DDX59: variants seen among roughly 807,000 people sequenced by gnomAD.
The protein encoded by DDX59 is DEAD-box helicase 59, also known as probable ATP-dependent RNA helicase DDX59.
DDX59 carries 30 observed loss-of-function variants against 51.9 expected under a neutral mutation model. That is an observed-to-expected ratio of 0.58 (90% CI 0.43 to 0.78). The LOEUF is 0.78. Ranked by LOEUF, DDX59 falls within the 30% of genes least tolerant of loss-of-function variation. The pLI, the probability that DDX59 is intolerant of heterozygous loss-of-function variation, is 0.00. For missense variants in DDX59, 672 were observed against 730.8 expected (o/e 0.92, Z 0.93); for synonymous variants, 255 against 253.3 (o/e 1.01, Z -0.06).
Position 200,650,606 on chromosome 1 carries a change from C to T in DDX59, c.1133G>A (p.Cys378Tyr), listed in dbSNP as rs1406753121. ...LDILENIPND[C>Y]QTILVSATIP... ...TGTGGCTGAAACCAAAATGGTCTGA[C>T]AATCATTAGGAATGTTTTCCAAAAT... is the stretch of plus-strand genomic sequence containing the variant. Residue 378 changes from cysteine to tyrosine, a missense_variant, in exon 5 of 8, where the codon TGT becomes TAT. Transcript: ENST00000331314. 1.2e-6 allele frequency: 2 copies of T among 1,613,868 alleles called. No homozygotes were observed. Among genetic ancestry groups the T allele is most frequent in the East Asian group, 2.2e-5 (1 of 44,866 alleles).
Position 200,653,055 on chromosome 1 carries a change from T to C in DDX59, c.1063-2379A>G, listed in dbSNP as rs556372723. Among the ~76,000 whole-genome samples the C allele has an allele frequency of 5.1e-4, 77 of 152,308 alleles. No individual in the cohort carries two copies. The South Asian group carries it at 0.014, about 29-fold the overall frequency. On this transcript the variant is annotated intron_variant, in intron 4 of 7. Coordinates refer to ENST00000331314, the MANE Select transcript of DDX59 (RefSeq NM_001031725.6). ...CTCCTTTCTCTTCTCTCAATCTCTA[T>C]ACATTGGGGAGCCCCATGGGCTGGG... is the stretch of plus-strand genomic sequence containing the variant.
chr1:200,663,408 T>C (rs996257083), intron 3 of DDX59, among the ~76,000 whole-genome samples: 1 of 152,210 alleles, frequency 6.6e-6, no homozygotes. Context: ...AACTTATCTA[T>C]GGCCATACAG....
In DDX59 at chr1:200,649,245, A is replaced by G. The variant is rs756072457; in HGVS notation, c.1315-19T>C. 6 of 1,549,358 alleles carry G rather than the reference A, an allele frequency of 3.9e-6. No homozygotes were observed. Among genetic ancestry groups the G allele is most frequent in the South Asian group, 3.8e-5 (3 of 79,612 alleles). On this transcript the variant is annotated intron_variant, in intron 5 of 7. Coordinates refer to ENST00000331314, the MANE Select transcript of DDX59 (RefSeq NM_001031725.6). ...TCTTATCCTGAAAAATTAAAAACAT[A>G]TATCAAAAATTATTCATATAAAATA...
At chr1:200,657,213 T>C (rs570517402) in intron 4 of DDX59, among the ~76,000 whole-genome samples, 9 of 136,854 alleles carry the variant, frequency 6.6e-5, no homozygotes, top group African/African-American at 1.7e-4. Flanking sequence ...ATCGTGCCAT[T>C]GTACTCCAGT....
Position 200,666,366 on chromosome 1 carries a change from A to G in DDX59, c.375T>C (p.Asp125=), listed in dbSNP as rs1662745576. The change falls in exon 2 of 8, where the codon GAT becomes GAC. Residue 125 remains aspartate, a synonymous_variant. Coordinates refer to ENST00000331314, the MANE Select transcript of DDX59 (RefSeq NM_001031725.6). ...GEYICDKTDE[D]VCSLECKAKH... The stretch of plus-strand genomic sequence containing the variant: ...TCGCTTTACACTCCAAACTACACAC[A>G]TCTTCATCTGTCTTATCACAGATAT... 47 of 1,614,172 alleles carry G rather than the reference A, an allele frequency of 2.9e-5. No individual in the cohort carries two copies. Among genetic ancestry groups the G allele is most frequent in the Non-Finnish European group, 3.9e-5 (46 of 1,180,040 alleles).
chr1:200,648,444 G>A lies in DDX59; in HGVS notation c.1591C>T (p.His531Tyr). 1 of 1,613,916 alleles carries A rather than the reference G, an allele frequency of 6.2e-7. No homozygotes were observed. Among genetic ancestry groups the A allele is most frequent in the Non-Finnish European group, 8.5e-7 (1 of 1,179,940 alleles). Residue 531 changes from histidine to tyrosine, a missense_variant, in exon 7 of 8, where the codon CAT becomes TAT. Physicochemically the swap from His to Tyr is moderately conservative, Grantham distance 83. Coordinates refer to ENST00000331314, the MANE Select transcript of DDX59 (RefSeq NM_001031725.6). ...TAACATATAAAGCTCCTTACCTGAT[G>A]GACATACTCATCCATACTTGAAGGC... ...DMPSSMDEYVHQIGRVGRLGQ... is the reference protein window; with the variant it reads ...DMPSSMDEYVYQIGRVGRLGQ...
At chr1:200,658,917 G>GT (rs1323402368) in intron 4 of DDX59, 110 bp downstream of exon 4, 202 of 935,584 alleles carry the variant, frequency 2.2e-4, no homozygotes, top group South Asian at 9.2e-4. Flanking sequence ...AGTCCCTGAG[G>GT]TTTTTTTTGA....
rs553420169 is a variant in DDX59 at position 200,665,474 on chromosome 1, A to T, written c.804+463T>A. ...CTCCAGCCTGGGCGACAAGAGTGAA[A>T]CTCGGTCCCAAAAAAAGAAAAAGAA... On this transcript the variant is annotated intron_variant, in intron 2 of 7. Coordinates refer to ENST00000331314, the MANE Select transcript of DDX59 (RefSeq NM_001031725.6). 3.1e-4 allele frequency among the ~76,000 whole-genome samples: 46 copies of T among 149,084 alleles called. 1 individual carries two copies. The South Asian group carries it at 9.4e-3, about 31-fold the overall frequency.
chr1:200,648,034 G>C (rs1384748088), intron 7 of DDX59, among the ~76,000 whole-genome samples: 9 of 144,492 alleles, frequency 6.2e-5, no homozygotes, highest in Admixed American at 3.5e-4. Flanking sequence ...TTTTTTTGGG[G>C]GGGGGGAGGG....
intron 4 of DDX59, among the ~76,000 whole-genome samples, chr1:200,656,212 T>C (rs1474311947): frequency 6.6e-6 from 1 of 152,148 alleles, no homozygotes; most frequent in Non-Finnish European, 1.5e-5. Context: ...CCTTTACCTG[T>C]TTTTGTAAAT....
In DDX59 at chr1:200,669,181, T is replaced by C. The variant is rs547553515; in HGVS notation, c.-12+586A>G. ...ACATGTCTTTGCAAAATTACAGTTA[T>C]TGGGAATAAGGCTTTTAACCTAATC... On this transcript the variant is annotated intron_variant, in intron 1 of 7. Transcript: ENST00000331314. Among the ~76,000 whole-genome samples, 13 of 152,352 alleles carry C rather than the reference T, an allele frequency of 8.5e-5. No individual in the cohort carries two copies. In the East Asian group the frequency reaches 1.9e-3, roughly 23 times the overall value.
chr1:200,642,110 C>A (rs1661066221), downstream of DDX59, among the ~76,000 whole-genome samples: 1 of 152,166 alleles, frequency 6.6e-6, no homozygotes, highest in South Asian at 2.1e-4. Flanking sequence ...ATTCTAGAAT[C>A]TAAAAGCCAC....
At chr1:200,643,502 G>C (rs1210792874), downstream of DDX59, among the ~76,000 whole-genome samples, 1 of 151,550 alleles carries the variant, frequency 6.6e-6, no homozygotes, top group Non-Finnish European at 1.5e-5. Flanking sequence ...AATTAGCCGG[G>C]CGTGGTGGCA....
chr1:200,653,352 C>A (rs558108523), intron 4 of DDX59, among the ~76,000 whole-genome samples: 1 of 152,290 alleles, frequency 6.6e-6, no homozygotes, highest in Non-Finnish European at 1.5e-5. Flanking sequence ...CAGGAAACAG[C>A]GCCATCAGAA....
In DDX59 at chr1:200,666,681, A is replaced by C. The variant is rs1662783367; in HGVS notation, c.60T>G (p.Cys20Trp). ...KRNANDDGKS[C>W]VAKIIKPDPE... Reference sequence around the variant, plus strand: ...GGTCTGGTTTAATTATCTTAGCCACACAACTTTTGCCATCATCATTAGCAT... The same window carrying C: ...GGTCTGGTTTAATTATCTTAGCCACCCAACTTTTGCCATCATCATTAGCAT... The change falls in exon 2 of 8, where the codon TGT (cysteine) becomes TGG (tryptophan). Residue 20 changes from cysteine to tryptophan, a missense_variant. Coordinates refer to ENST00000331314, the MANE Select transcript of DDX59 (RefSeq NM_001031725.6). 2 of 1,614,160 alleles carry C rather than the reference A, an allele frequency of 1.2e-6. No individual in the cohort carries two copies. The highest frequency in any genetic ancestry group is 1.3e-5 in the African/African-American group (1 of 75,058).
At chr1:200,660,287 T>G (rs1662293361) in intron 3 of DDX59, among the ~76,000 whole-genome samples, 2 of 152,348 alleles carry the variant, frequency 1.3e-5, no homozygotes, top group Admixed American at 1.3e-4. Context: ...CTTTCTCAGT[T>G]TTGTTTATCT....
At chr1:200,652,281 C>T (rs1276061275) in intron 4 of DDX59, among the ~76,000 whole-genome samples, 2 of 151,856 alleles carry the variant, frequency 1.3e-5, no homozygotes, top group East Asian at 1.9e-4. Flanking sequence ...GCCTTCTAAG[C>T]AGCTGGGACT....
At chr1:200,653,695 A>G (rs1247069167) in intron 4 of DDX59, among the ~76,000 whole-genome samples, 1 of 152,002 alleles carries the variant, frequency 6.6e-6, no homozygotes, top group Non-Finnish European at 1.5e-5. Context: ...CTCTCCCCTC[A>G]CTGCTCGTGA....
chr1:200,651,704 AT>A (rs1269301960), intron 4 of DDX59, among the ~76,000 whole-genome samples: 1 of 152,134 alleles, frequency 6.6e-6, no homozygotes, highest in Non-Finnish European at 1.5e-5. Flanking sequence ...AAACAAAAAC[AT>A]TTTTTTAAAG....
Sources: gnomAD v4.1 joint callset for allele counts (sites outside exome capture counted in the v4.1 genomes callset) on GRCh38, gnomAD v4.1.1 for gene constraint, MANE v1.5 for transcripts, NCBI Gene and HGNC (gene_info 2026-07-23, HGNC 2026-07-21) for gene names.